GPC5: variants seen among roughly 807,000 people sequenced by gnomAD.
The protein encoded by GPC5 is glypican 5.
Under a neutral mutation model 53.9 loss-of-function variants are expected in GPC5, and 47 were observed. The observed-to-expected ratio is 0.87, with a 90% CI of 0.69 to 1.11. The LOEUF (loss-of-function observed/expected upper bound fraction) is 1.11, where lower values mean the gene tolerates loss of function less well. GPC5 is among the 50% of genes most tolerant of loss of function. GPC5 has a pLI of 0.00. For synonymous variants in GPC5, 286 were observed against 263.3 expected (o/e 1.09, Z -0.84); for missense variants, 748 against 713.1 (o/e 1.05, Z -0.56).
chr13:91,998,361 G>A (rs995760045), intron 6 of GPC5, among the ~76,000 whole-genome samples: 1 of 152,064 alleles, frequency 6.6e-6, no homozygotes, highest in Admixed American at 6.5e-5. Flanking sequence ...GTAACTTTCT[G>A]AAAACATGCC....
intron 6 of GPC5, among the ~76,000 whole-genome samples, chr13:91,967,818 A>G (rs34881514): frequency 0.058 from 8,774 of 152,168 alleles, 352 homozygotes; most frequent in Non-Finnish European, 0.085. Context: ...AAGTTTATAC[A>G]ATTTATCTGG....
chr13:91,405,490 A>G (rs1289927069), intron 1 of GPC5, among the ~76,000 whole-genome samples: 2 of 152,196 alleles, frequency 1.3e-5, no homozygotes, highest in Non-Finnish European at 2.9e-5. Flanking sequence ...ATCTTAGCTT[A>G]AATGTCAGCT....
chr13:92,302,865 C>T lies in GPC5; in HGVS notation c.1561+157876C>T, dbSNP rs376421700. Among the ~76,000 whole-genome samples the T allele has an allele frequency of 2.0e-5, 3 of 152,232 alleles. No homozygotes were observed. In the South Asian group the frequency reaches 6.2e-4, roughly 32 times the overall value. Reference sequence around the variant, plus strand: ...TCAATTTTCTCTCTTGCAATAAAACCGTCCCTCCTTTTATTCTTATGGGAG... The same window carrying T: ...TCAATTTTCTCTCTTGCAATAAAACTGTCCCTCCTTTTATTCTTATGGGAG... On this transcript the variant is annotated intron_variant, in intron 7 of 7. Transcript: ENST00000377067.
intron 5 of GPC5, among the ~76,000 whole-genome samples, chr13:91,881,262 A>G (rs2039261225): frequency 6.6e-6 from 1 of 152,162 alleles, no homozygotes; most frequent in South Asian, 2.1e-4. Flanking sequence ...TGAAGTAAAT[A>G]TATAAATTTT....
intron 7 of GPC5, among the ~76,000 whole-genome samples, chr13:92,629,537 CA>C: frequency 6.6e-6 from 1 of 151,676 alleles, no homozygotes; most frequent in South Asian, 2.1e-4. Context: ...CCCAGGAAAG[CA>C]AAAAAGTAAG....
At chr13:92,596,128 T>C (rs1159815756) in intron 7 of GPC5, among the ~76,000 whole-genome samples, 1 of 152,134 alleles carries the variant, frequency 6.6e-6, no homozygotes, top group East Asian at 1.9e-4. Context: ...TGAAGAAATG[T>C]TGTTCACTGA....
rs67467167 is a variant in GPC5, at chr13:92,069,408, ATGTGTGTG to A, written c.1402-75390_1402-75383del. 7.9e-3 allele frequency among the ~76,000 whole-genome samples: 1,135 copies of A among 143,160 alleles called. 24 individuals are homozygous for A. The highest frequency in any genetic ancestry group is 0.044 in the Admixed American group (628 of 14,314). 93.9% of individuals were successfully genotyped at this position (143,160 alleles called of 152,430 possible). ...CTTTATTATCATAATGTGTGCGTGC[ATGTGTGTG>A]TGTGTGTGTGTGTGTGTGTGTGTGT... On this transcript the variant is annotated intron_variant, in intron 6 of 7. Coordinates refer to ENST00000377067, the MANE Select transcript of GPC5 (RefSeq NM_004466.6).
intron 7 of GPC5, among the ~76,000 whole-genome samples, chr13:92,582,501 T>G (rs1201391297): frequency 1.3e-5 from 2 of 152,148 alleles, no homozygotes; most frequent in Non-Finnish European, 2.9e-5. Context: ...AGATTCCATA[T>G]AAATTTTAGG....
At position 91,674,515 on chromosome 13, in the gene GPC5, A is replaced by G. The variant is rs191496970; in HGVS notation, c.326-18672A>G. Among the ~76,000 whole-genome samples, 274 of 149,178 alleles carry G rather than the reference A, an allele frequency of 1.8e-3. 6 individuals are homozygous for G. The highest frequency in any genetic ancestry group is 6.2e-3 in the African/African-American group (252 of 40,678). On this transcript the variant is annotated intron_variant, in intron 2 of 7. Transcript: ENST00000377067. ...TATATATGCATATGTGTATATATAC[A>G]CATATATGCGTATGTGTATATATAC...
chr13:92,358,021 TC>T (rs1489688671), intron 7 of GPC5, among the ~76,000 whole-genome samples: 1 of 151,638 alleles, frequency 6.6e-6, no homozygotes, highest in Non-Finnish European at 1.5e-5. Context: ...AAGTCCACAG[TC>T]CAGAGTCTCA....
chr13:91,568,807 G>A lies in GPC5; in HGVS notation c.325+119885G>A, dbSNP rs561699132. Reference sequence around the variant, plus strand: ...TCTCTCTCTGTCGCTGGAGTGCAGTGGTGCAATCTGAGCTCACTGCAACCT... The same window carrying A: ...TCTCTCTCTGTCGCTGGAGTGCAGTAGTGCAATCTGAGCTCACTGCAACCT... On this transcript the variant is annotated intron_variant, in intron 2 of 7. Transcript: ENST00000377067. Among the ~76,000 whole-genome samples the A allele has an allele frequency of 2.7e-5, 4 of 148,990 alleles. No homozygotes were observed. In the South Asian group the frequency reaches 6.4e-4, roughly 24 times the overall value.
At chr13:92,211,276 T>C (rs2042373601) in intron 7 of GPC5, among the ~76,000 whole-genome samples, 1 of 152,166 alleles carries the variant, frequency 6.6e-6, no homozygotes, top group Non-Finnish European at 1.5e-5. Context: ...ACAATGGGTG[T>C]TTTATATGTT....
At chr13:92,280,466 CT>C (rs1389882316) in intron 7 of GPC5, among the ~76,000 whole-genome samples, 1 of 152,084 alleles carries the variant, frequency 6.6e-6, no homozygotes, top group Non-Finnish European at 1.5e-5. Flanking sequence ...CGGATCCTGT[CT>C]TTTTAAATGT....
chr13:92,707,793 GCAAGATCTCATATAAGTTGCAAAGT>G (rs1275924692), intron 7 of GPC5, among the ~76,000 whole-genome samples: 1 of 152,060 alleles, frequency 6.6e-6, no homozygotes, highest in African/African-American at 2.4e-5. Context: ...GTAGCCAGAG[GCAAGATCTCATATAAGTTGCAAAGT>G]GATTGGAAGG....
chr13:91,536,434 A>G (rs1886595993), intron 2 of GPC5, among the ~76,000 whole-genome samples: 1 of 152,182 alleles, frequency 6.6e-6, no homozygotes, highest in African/African-American at 2.4e-5. Context: ...CTAGTCTCTT[A>G]AAGTCTTATT....
intron 5 of GPC5, among the ~76,000 whole-genome samples, chr13:91,875,226 C>T (rs2039189251): frequency 6.6e-6 from 1 of 152,156 alleles, no homozygotes; most frequent in African/African-American, 2.4e-5. Context: ...TGCTTGGAAT[C>T]TGTGCTCTCA....
chr13:92,074,668 C>T (rs749376374), intron 6 of GPC5, among the ~76,000 whole-genome samples: 1 of 152,138 alleles, frequency 6.6e-6, no homozygotes, highest in Non-Finnish European at 1.5e-5. Context: ...GAGACAATGA[C>T]CCATCTTAAG....
intron 7 of GPC5, among the ~76,000 whole-genome samples, chr13:92,478,665 A>G (rs1879237858): frequency 1.3e-5 from 2 of 152,234 alleles, no homozygotes; most frequent in Non-Finnish European, 2.9e-5. Flanking sequence ...AAAAGGTAAA[A>G]ATCAGATTGA....
chr13:92,320,851 G>A (rs1036574673), intron 7 of GPC5, among the ~76,000 whole-genome samples: 2 of 152,182 alleles, frequency 1.3e-5, no homozygotes, highest in East Asian at 1.9e-4. Flanking sequence ...CTGTTTTGAA[G>A]ATTTTTCAAA....
Sources: allele counts gnomAD v4.1 joint callset (sites outside exome capture counted in the v4.1 genomes callset), GRCh38; gene constraint gnomAD v4.1.1; transcripts MANE v1.5; gene names NCBI Gene and HGNC (gene_info 2026-07-23, HGNC 2026-07-21).